TEX10: variants seen among roughly 807,000 people sequenced by gnomAD.
TEX10 encodes the protein testis-expressed protein 10.
In TEX10, 24 loss-of-function variants were observed where a neutral mutation model predicts 104.4. The observed-to-expected ratio is 0.23, with a 90% CI of 0.17 to 0.32. TEX10 has a LOEUF of 0.32. TEX10 is among the 10% of genes least tolerant of loss of function. TEX10 has a pLI of 1.00. For synonymous variants in TEX10, 396 were observed against 393.4 expected (o/e 1.01, Z -0.08); for missense variants, 921 against 1,083.9 (o/e 0.85, Z 2.11).
intron 13 of TEX10, chr9:100,305,772 G>A (rs2118823520): frequency 6.6e-6 from 1 of 152,318 alleles, no homozygotes; most frequent in Admixed American, 6.5e-5. Flanking sequence ...TGGAAGCTGA[G>A]GCTTCAGAAC....
intron 5 of TEX10, among the ~76,000 whole-genome samples, chr9:100,335,176 T>C (rs189458922): frequency 1.3e-5 from 2 of 152,304 alleles, no homozygotes; most frequent in Admixed American, 1.3e-4. Flanking sequence ...TCACACAGAA[T>C]ATTAAAAATA....
intron 5 of TEX10, among the ~76,000 whole-genome samples, chr9:100,339,430 C>A (rs987301134): frequency 6.7e-6 from 1 of 149,348 alleles, no homozygotes; most frequent in African/African-American, 2.5e-5. Context: ...AAAATCTGAT[C>A]CTCTCTATCA....
intron 5 of TEX10, among the ~76,000 whole-genome samples, chr9:100,337,058 C>G (rs1835028530): frequency 2.0e-5 from 3 of 152,302 alleles, no homozygotes; most frequent in Admixed American, 2.0e-4. Context: ...TAAGATGGTC[C>G]TCCCCTCATG....
intron 6 of TEX10, among the ~76,000 whole-genome samples, 167 bp from the exon 7 acceptor site, chr9:100,329,442 A>G (rs546444415): frequency 6.6e-6 from 1 of 152,354 alleles, no homozygotes; most frequent in Non-Finnish European, 1.5e-5. Flanking sequence ...CTAATAAAAA[A>G]GTCAAACCAA....
chr9:100,316,027 A>T (rs1175370713), intron 11 of TEX10, among the ~76,000 whole-genome samples: 1 of 152,224 alleles, frequency 6.6e-6, no homozygotes, highest in Non-Finnish European at 1.5e-5. Context: ...CCTTGGGAAT[A>T]CCAATAATTC....
chr9:100,333,191 T>A (rs1834911848), intron 5 of TEX10, among the ~76,000 whole-genome samples: 1 of 152,036 alleles, frequency 6.6e-6, no homozygotes, highest in South Asian at 2.1e-4. Flanking sequence ...CTGTAACTCC[T>A]GACCTCAAGT....
chr9:100,308,348 CA>C (rs2118830288), intron 13 of TEX10, 151 bp downstream of exon 13: 3 of 610,640 alleles, frequency 4.9e-6, no homozygotes, highest in Non-Finnish European at 4.9e-6. Flanking sequence ...CATGAAGGAA[CA>C]AAGAAAAAGC....
intron 1 of TEX10, among the ~76,000 whole-genome samples, chr9:100,350,356 T>A (rs1458659339): frequency 6.6e-6 from 1 of 152,218 alleles, no homozygotes; most frequent in Non-Finnish European, 1.5e-5. Flanking sequence ...ACAGATCTCA[T>A]GACCAAGACT....
intron 13 of TEX10, among the ~76,000 whole-genome samples, chr9:100,308,051 C>G (rs1834183933): frequency 6.6e-6 from 1 of 152,126 alleles, no homozygotes; most frequent in African/African-American, 2.4e-5. Context: ...TATATACGAG[C>G]AAAAGTACTA....
At chr9:100,326,012 A>C (rs768885168) in intron 9 of TEX10, among the ~76,000 whole-genome samples, 37 of 152,184 alleles carry the variant, frequency 2.4e-4, no homozygotes, top group Middle Eastern at 6.3e-3. Flanking sequence ...ATAACAACAA[A>C]GGTTTGAAGT....
Position 100,352,833 on chromosome 9 carries a change from C to G in TEX10, c.-71G>C. 1 of 1,034,226 alleles carries G rather than the reference C, an allele frequency of 9.7e-7. No individual in the cohort carries two copies. The highest frequency in any genetic ancestry group is 1.2e-6 in the Non-Finnish European group (1 of 863,900). The allele number at this position is 1,034,226 out of a possible 1,614,324, so 64.1% of individuals were successfully genotyped here. A position where few individuals can be genotyped will look rare whatever the true frequency, so the allele number is the denominator to read the frequency against. On this transcript the variant is annotated 5_prime_UTR_variant, in exon 1 of 15. Transcript: ENST00000374902. ...GAAGACAAGCGAGGGAGCAGAAGCC[C>G]ACGGGGCAACAGCGTGCGCCGCCGA...
At chr9:100,328,591 T>C (rs1416755262) in intron 7 of TEX10, among the ~76,000 whole-genome samples, 1 of 152,216 alleles carries the variant, frequency 6.6e-6, no homozygotes, top group Non-Finnish European at 1.5e-5. Flanking sequence ...TTAAAGTAAA[T>C]ACCAGAATAC....
At chr9:100,339,245 C>CAAA (rs1182764934) in intron 5 of TEX10, among the ~76,000 whole-genome samples, 5 of 29,412 alleles carry the variant, frequency 1.7e-4, no homozygotes, top group Admixed American at 7.4e-4. Flanking sequence ...GACTCCATCT[C>CAAA]AAAAAAAAAA....
intron 6 of TEX10, among the ~76,000 whole-genome samples, chr9:100,329,685 A>G (rs1034030934): frequency 1.3e-5 from 2 of 152,218 alleles, no homozygotes; most frequent in African/African-American, 4.8e-5. Flanking sequence ...CTCAAGTTCT[A>G]GCCAAACTAG....
chr9:100,318,995 C>CAG (rs1190257811), intron 11 of TEX10, among the ~76,000 whole-genome samples: 7 of 152,130 alleles, frequency 4.6e-5, no homozygotes, highest in Non-Finnish European at 8.8e-5. Flanking sequence ...AATTCAAGAC[C>CAG]AGCCTGACCA....
intron 4 of TEX10, 43 bp from the exon 5 acceptor site, chr9:100,340,412 G>GTTTT (rs1194780335): frequency 8.1e-7 from 1 of 1,227,266 alleles, no homozygotes. Flanking sequence ...AAGAAAAAAT[G>GTTTT]TAAAATAAGC....
chr9:100,316,637 T>G (rs1327780393), intron 11 of TEX10, among the ~76,000 whole-genome samples: 1 of 152,168 alleles, frequency 6.6e-6, no homozygotes, highest in Admixed American at 6.6e-5. Context: ...AGTCTCGCTC[T>G]GTTGCCCCAA....
intron 11 of TEX10, among the ~76,000 whole-genome samples, chr9:100,313,846 A>C (rs1326399323): frequency 1.5e-5 from 2 of 137,256 alleles, no homozygotes; most frequent in Non-Finnish European, 3.2e-5. Flanking sequence ...CTGTGTTTCC[A>C]AAAAAAAAAA....
chr9:100,351,147 C>T (rs1014632386), intron 1 of TEX10, among the ~76,000 whole-genome samples: 1 of 151,848 alleles, frequency 6.6e-6, no homozygotes, highest in Admixed American at 6.6e-5. Context: ...GAACTAAACC[C>T]ATTTTAACAA....
Sources: gnomAD v4.1 joint callset for allele counts (sites outside exome capture counted in the v4.1 genomes callset) on GRCh38, gnomAD v4.1.1 for gene constraint, MANE v1.5 for transcripts, NCBI Gene and HGNC (gene_info 2026-07-23, HGNC 2026-07-21) for gene names.